Variants in TMEM164 observed in about 807,000 individuals in gnomAD.
TMEM164 encodes transmembrane protein 164.
A neutral mutation model predicts 18.8 loss-of-function variants in TMEM164; 4 were observed. The ratio of observed to expected loss-of-function variants is 0.21; its 90% CI spans 0.10 to 0.49. The LOEUF (loss-of-function observed/expected upper bound fraction) is 0.49. Ranked by LOEUF, TMEM164 falls within the 20% of genes least tolerant of loss-of-function variation. The pLI, the probability that TMEM164 is intolerant of heterozygous loss-of-function variation, is 0.98. For synonymous variants in TMEM164, 86 were observed against 101.7 expected (o/e 0.85, Z 0.93); for missense variants, 108 against 239.9 (o/e 0.45, Z 3.63).
chrX:110,157,073 TGG>T (rs1279018249), intron 5 of TMEM164, among the ~76,000 whole-genome samples: 2 of 111,872 alleles, frequency 1.8e-5, no homozygotes, highest in African/African-American at 6.5e-5. Flanking sequence ...TTAGTATCAG[TGG>T]TTATAGAACT....
intron 3 of TMEM164, among the ~76,000 whole-genome samples, chrX:110,076,148 A>G (rs2147875146): frequency 9.2e-6 from 1 of 108,183 alleles, no homozygotes; most frequent in East Asian, 2.9e-4. Context: ...TTACTGATTC[A>G]ATTTCAGAAC....
At chrX:110,128,755 TC>T (rs1295326268) in intron 4 of TMEM164, among the ~76,000 whole-genome samples, 5 of 112,117 alleles carry the variant, frequency 4.5e-5, no homozygotes, top group African/African-American at 1.3e-4. Flanking sequence ...GCTAATTTCT[TC>T]AGCTGTATAT....
intron 4 of TMEM164, among the ~76,000 whole-genome samples, chrX:110,126,842 G>GTGTA (rs1449816531): frequency 9.4e-6 from 1 of 106,643 alleles, no homozygotes; most frequent in Non-Finnish European, 1.9e-5. Flanking sequence ...GTGTGTGTGT[G>GTGTA]TGTGTGTGTG....
In TMEM164 at chrX:110,005,321, G is replaced by A. The variant is rs533192465; in HGVS notation, c.390+1157G>A. Among the ~76,000 whole-genome samples the A allele has an allele frequency of 2.5e-4, 28 of 111,621 alleles. No homozygotes were observed. The South Asian group carries it at 0.011, about 42-fold the overall frequency. Reference sequence around the variant, plus strand: ...GCTTGCAGCCAGAAGATGAATTAGTGCCTGGGTTAGAAAGCAAACTCATCC... The same window carrying A: ...GCTTGCAGCCAGAAGATGAATTAGTACCTGGGTTAGAAAGCAAACTCATCC... On this transcript the variant is annotated intron_variant, in intron 2 of 6. Coordinates refer to ENST00000372068, the MANE Select transcript of TMEM164 (RefSeq NM_032227.4).
At chrX:110,029,438 C>A in intron 2 of TMEM164, among the ~76,000 whole-genome samples, 1 of 111,864 alleles carries the variant, frequency 8.9e-6, no homozygotes, top group Non-Finnish European at 1.9e-5. Flanking sequence ...GGTTCAATGA[C>A]TGGTTCCCTT....
At chrX:110,080,591 T>C (rs981221690) in intron 3 of TMEM164, among the ~76,000 whole-genome samples, 6 of 112,503 alleles carry the variant, frequency 5.3e-5, no homozygotes, top group Non-Finnish European at 1.1e-4. Flanking sequence ...ATTCTTCATA[T>C]CTATAATTTT....
At chrX:110,064,216 C>T (rs1426841394) in intron 2 of TMEM164, among the ~76,000 whole-genome samples, 3 of 111,784 alleles carry the variant, frequency 2.7e-5, no homozygotes, top group Admixed American at 9.5e-5. Flanking sequence ...CAAGTTGGTA[C>T]TGGGGTATGC....
intron 2 of TMEM164, chrX:110,065,446 G>A (rs1428462804): frequency 2.7e-5 from 3 of 111,430 alleles, no homozygotes; most frequent in African/African-American, 9.8e-5. Flanking sequence ...TCTGTGTACT[G>A]TAGCTTCTGA....
At chrX:110,100,982 GTCCTTCCT>G (rs951434160) in intron 3 of TMEM164, among the ~76,000 whole-genome samples, 12 of 110,159 alleles carry the variant, frequency 1.1e-4, no homozygotes, top group African/African-American at 2.0e-4. Context: ...TGGTCTGTCT[GTCCTTCCT>G]TCCTTCCTTC....
At chrX:110,019,283 A>T (rs5942619) in intron 2 of TMEM164, among the ~76,000 whole-genome samples, 2 of 109,447 alleles carry the variant, frequency 1.8e-5, no homozygotes, top group African/African-American at 6.7e-5. Flanking sequence ...TCTCAATTCC[A>T]CCCTCTTCCT....
intron 6 of TMEM164, among the ~76,000 whole-genome samples, chrX:110,172,681 C>T (rs960183459): frequency 1.8e-5 from 2 of 112,010 alleles, no homozygotes; most frequent in Admixed American, 9.3e-5. Flanking sequence ...GGGCAACCCT[C>T]ACCCCATTCC....
chrX:110,125,659 C>CT (rs201930883), intron 4 of TMEM164, among the ~76,000 whole-genome samples: 1,238 of 112,678 alleles, frequency 0.011, 17 homozygotes, highest in African/African-American at 0.038. Context: ...CTGAGTGACT[C>CT]TGTTTCTGTG....
intron 2 of TMEM164, among the ~76,000 whole-genome samples, chrX:110,050,398 G>A (rs924931545): frequency 2.7e-5 from 3 of 111,889 alleles, no homozygotes. Context: ...GTACAGAAAG[G>A]CCCTTTTTCC....
At chrX:110,005,347 A>G (rs1289809979) in intron 2 of TMEM164, among the ~76,000 whole-genome samples, 1 of 111,632 alleles carries the variant, frequency 9.0e-6, no homozygotes, top group Non-Finnish European at 1.9e-5. Context: ...AAACTCATCC[A>G]CCTTGAGGTT....
chrX:110,021,786 T>C (rs1933883804), intron 2 of TMEM164, among the ~76,000 whole-genome samples: 1 of 112,337 alleles, frequency 8.9e-6, no homozygotes, highest in South Asian at 3.7e-4. Context: ...TTAAGAAAGC[T>C]CCTTTTTGTT....
chrX:110,015,453 A>G (rs751574680), intron 2 of TMEM164, among the ~76,000 whole-genome samples: 1 of 112,056 alleles, frequency 8.9e-6, no homozygotes, highest in Non-Finnish European at 1.9e-5. Flanking sequence ...TCTAAGACCT[A>G]GGGAAGATTG....
rs147540340 is a variant in TMEM164, at chrX:110,136,068, T to C, written c.508-8730T>C. 1.0e-2 allele frequency among the ~76,000 whole-genome samples: 1,119 copies of C among 112,209 alleles called. 13 individuals carry two copies. Among genetic ancestry groups the C allele is most frequent in the African/African-American group, 0.035 (1,072 of 30,881 alleles). ...AAGTATTGCTTTTGATTATTCCATC[T>C]CTTTACTGGTTTTCATTTTTTTAAC... On this transcript the variant is annotated intron_variant, in intron 4 of 6. Coordinates refer to ENST00000372068, the MANE Select transcript of TMEM164 (RefSeq NM_032227.4).
intron 3 of TMEM164, among the ~76,000 whole-genome samples, chrX:110,080,755 G>T (rs1193951629): frequency 1.8e-5 from 2 of 111,598 alleles, no homozygotes; most frequent in Non-Finnish European, 3.8e-5. Flanking sequence ...GTTTTGCTCT[G>T]TTGCCCAGGC....
intron 5 of TMEM164, among the ~76,000 whole-genome samples, chrX:110,160,806 T>A (rs1217747588): frequency 1.8e-5 from 2 of 112,190 alleles, no homozygotes; most frequent in Non-Finnish European, 3.8e-5. Flanking sequence ...AGTGGTGTGA[T>A]CTTGGCTCAC....
Sources: gnomAD v4.1 joint callset for allele counts (sites outside exome capture counted in the v4.1 genomes callset) on GRCh38, gnomAD v4.1.1 for gene constraint, MANE v1.5 for transcripts, NCBI Gene and HGNC (gene_info 2026-07-23, HGNC 2026-07-21) for gene names.